RUFY3: variants seen among roughly 807,000 people sequenced by gnomAD.
RUFY3 encodes the protein RUN and FYVE domain containing 3.
Under a neutral mutation model 84.0 loss-of-function variants are expected in RUFY3, and 34 were observed. The ratio of observed to expected loss-of-function variants is 0.40; its 90% CI spans 0.31 to 0.54. The LOEUF is 0.54. RUFY3 is among the 20% of genes least tolerant of loss of function. The probability of loss-of-function intolerance (pLI) is 0.39; values close to 1 mark genes in which losing one functional copy is unlikely to be tolerated. For synonymous variants in RUFY3, 242 were observed against 252.9 expected, an observed-to-expected ratio of 0.96 and a Z score of 0.41; for missense variants, 507 against 736.8, an observed-to-expected ratio of 0.69 and a Z score of 3.61.
At chr4:70,741,849 T>C (rs763434271) in intron 1 of RUFY3, among the ~76,000 whole-genome samples, 2 of 152,270 alleles carry the variant, frequency 1.3e-5, no homozygotes, top group Non-Finnish European at 2.9e-5. Context: ...TGTCAATGTA[T>C]GTTTATGTTG....
rs1725218040 is a variant in RUFY3 at position 70,762,575 on chromosome 4, A to T, written c.235A>T (p.Ser79Cys). ...GAACCTCATGAACATGGCCAAGCTG[A>T]GTATCAAGGGCTTGATTGAATCAGC... is the stretch of plus-strand genomic sequence containing the variant. ...RMNLMNMAKLSIKGLIESALN... is the reference protein window; with the variant it reads ...RMNLMNMAKLCIKGLIESALN... Residue 79 changes from serine to cysteine, a missense_variant, in exon 2 of 18, where the codon AGT becomes TGT. Coordinates refer to ENST00000381006, the MANE Select transcript of RUFY3 (RefSeq NM_001037442.4). 9.3e-6 allele frequency: 15 copies of T among 1,613,996 alleles called. No homozygotes were observed. The East Asian group carries it at 3.3e-4, about 36-fold the overall frequency.
intron 5 of RUFY3, among the ~76,000 whole-genome samples, chr4:70,769,622 C>T (rs902632459): frequency 1.3e-5 from 2 of 152,192 alleles, no homozygotes; most frequent in African/African-American, 2.4e-5. Context: ...TAATTGGCTT[C>T]CTTTACAAAA....
At chr4:70,729,371 C>G (rs1718830484) in intron 1 of RUFY3, among the ~76,000 whole-genome samples, 1 of 152,154 alleles carries the variant, frequency 6.6e-6, no homozygotes, top group Non-Finnish European at 1.5e-5. Flanking sequence ...ATTCTCCTGC[C>G]TCAGCCTCCT....
At chr4:70,801,303 C>G (rs1732204075) in intron 15 of RUFY3, among the ~76,000 whole-genome samples, 1 of 151,726 alleles carries the variant, frequency 6.6e-6, no homozygotes, top group African/African-American at 2.4e-5. Flanking sequence ...TACATTTGAC[C>G]ACACTATAGA....
intron 1 of RUFY3, chr4:70,705,392 G>A: frequency 1.1e-6 from 1 of 889,036 alleles, no homozygotes; most frequent in Non-Finnish European, 1.5e-6. Flanking sequence ...CCCGCGGGGT[G>A]ACCCGAGCCG....
intron 1 of RUFY3, among the ~76,000 whole-genome samples, chr4:70,741,871 T>C (rs1560478373): frequency 6.6e-6 from 1 of 152,244 alleles, no homozygotes; most frequent in East Asian, 1.9e-4. Context: ...TTTTGAAAGA[T>C]ATTTGCTGAA....
chr4:70,737,206 C>T (rs1352936363), intron 1 of RUFY3, among the ~76,000 whole-genome samples: 1 of 151,948 alleles, frequency 6.6e-6, no homozygotes, highest in Non-Finnish European at 1.5e-5. Flanking sequence ...GTTGGTTCAG[C>T]AGCTGAAAAC....
intron 14 of RUFY3, among the ~76,000 whole-genome samples, chr4:70,798,354 A>G (rs1731785445): frequency 6.6e-6 from 1 of 151,502 alleles, no homozygotes; most frequent in South Asian, 2.1e-4. Flanking sequence ...GGGCAATAGC[A>G]TGAGACCTTG....
intron 4 of RUFY3, 58 bp from the exon 5 acceptor site, chr4:70,768,480 G>A (rs1372761699): frequency 1.3e-6 from 2 of 1,571,004 alleles, no homozygotes; most frequent in Admixed American, 1.8e-5. Context: ...TTTTGTCCTT[G>A]TCTCTGGATT....
At chr4:70,791,420 G>T in intron 12 of RUFY3, 1 of 1,421,728 alleles carries the variant, frequency 7.0e-7, no homozygotes, top group Non-Finnish European at 9.2e-7. Flanking sequence ...AGTTGACTTT[G>T]AATTTGTTGG....
intron 16 of RUFY3, 77 bp downstream of exon 16, chr4:70,803,060 G>A (rs1375580655): frequency 8.3e-6 from 9 of 1,078,060 alleles, no homozygotes; most frequent in Non-Finnish European, 1.3e-5. Flanking sequence ...AGCAAATAAG[G>A]TAGCATGGGC....
At chr4:70,766,438 T>C (rs1434848163) in intron 4 of RUFY3, among the ~76,000 whole-genome samples, 1 of 151,946 alleles carries the variant, frequency 6.6e-6, no homozygotes, top group Admixed American at 6.6e-5. Context: ...ACAGACAGGG[T>C]TTCACCACGT....
chr4:70,768,486 GGATTTTTGA>G, intron 4 of RUFY3, 43 bp from the exon 5 acceptor site: 1 of 1,590,090 alleles, frequency 6.3e-7, no homozygotes, highest in Non-Finnish European at 8.6e-7. Context: ...CCTTGTCTCT[GGATTTTTGA>G]GATTTTTGTT....
chr4:70,744,118 C>T (rs1721757019), intron 1 of RUFY3, among the ~76,000 whole-genome samples: 3 of 152,210 alleles, frequency 2.0e-5, no homozygotes, highest in Admixed American at 2.0e-4. Context: ...AGACCTTCAA[C>T]TGCTAAGCTG....
upstream of RUFY3, among the ~76,000 whole-genome samples, chr4:70,718,317 C>T (rs1252531794): frequency 6.6e-6 from 1 of 152,092 alleles, no homozygotes; most frequent in Non-Finnish European, 1.5e-5. Context: ...TAGTAGCAGC[C>T]GAGTACAAAT....
Position 70,800,172 on chromosome 4 carries a change from T to C in RUFY3, c.1589T>C (p.Val530Ala). 6.2e-7 allele frequency: 1 copy of C among 1,607,302 alleles called. No homozygotes were observed. The highest frequency in any genetic ancestry group is 1.3e-5 in the African/African-American group (1 of 74,592). Residue 530 changes from valine (V) to alanine (A), a missense_variant, in exon 15 of 18, where the codon GTT becomes GCT. By Grantham distance (64) the Val-to-Ala change is moderately conservative. Around this residue, in one of 4 missense-constraint regions of RUFY3, gnomAD observed 334 missense variants for 364.1 expected, o/e 0.92. Transcript: ENST00000381006. ...DGKHKMQEEN[V>A]KLKKPLEESH... ...AAGCACAAAATGCAAGAGGAAAATG[T>C]TAAACTAAAAAAGCCCCTGGAAGAA...
chr4:70,793,455 T>G, intron 12 of RUFY3: 1 of 1,135,766 alleles, frequency 8.8e-7, no homozygotes, highest in Non-Finnish European at 1.1e-6. Context: ...TACTGTGTAC[T>G]TGAGGTTGGC....
chr4:70,771,926 A>G (rs912063014), intron 5 of RUFY3, among the ~76,000 whole-genome samples: 2 of 152,158 alleles, frequency 1.3e-5, no homozygotes, highest in Admixed American at 6.5e-5. Context: ...TATATTTACT[A>G]TTCATTTAAA....
chr4:70,770,209 G>A (rs1410829212), intron 5 of RUFY3, among the ~76,000 whole-genome samples: 1 of 152,162 alleles, frequency 6.6e-6, no homozygotes, highest in Non-Finnish European at 1.5e-5. Flanking sequence ...ATGAGCACTG[G>A]CTTCAACTTA....
Sources: allele counts gnomAD v4.1 joint callset (sites outside exome capture counted in the v4.1 genomes callset), GRCh38; gene constraint gnomAD v4.1.1; regional missense constraint gnomAD v4.1.1; transcripts MANE v1.5; gene names NCBI Gene and HGNC (gene_info 2026-07-23, HGNC 2026-07-21).